Variants in CAST observed in about 807,000 individuals in gnomAD.
The protein encoded by CAST is calpastatin.
Under a neutral mutation model 119.6 loss-of-function variants are expected in CAST, and 76 were observed. The ratio of observed to expected loss-of-function variants is 0.64; its 90% CI spans 0.53 to 0.77. CAST has a LOEUF of 0.77. CAST is among the 30% of genes least tolerant of loss of function. The probability of loss-of-function intolerance (pLI) is 0.00; values close to 1 mark genes in which losing one functional copy is unlikely to be tolerated. For synonymous variants in CAST, 319 were observed against 331.6 expected, an observed-to-expected ratio of 0.96 and a Z score of 0.41; for missense variants, 953 against 946.5, an observed-to-expected ratio of 1.01 and a Z score of -0.09.
the CAST span, among the ~76,000 whole-genome samples, chr5:96,413,249 A>T: frequency 6.6e-6 from 1 of 152,210 alleles, no homozygotes; most frequent in Non-Finnish European, 1.5e-5. Context: ...TCATCAGGAC[A>T]ATGTAGGTGC....
At chr5:96,365,439 T>A in the CAST span, among the ~76,000 whole-genome samples, 1 of 152,164 alleles carries the variant, frequency 6.6e-6, no homozygotes, top group Non-Finnish European at 1.5e-5. Context: ...AAGTCTCCCA[T>A]TATTATTGTG....
the CAST span, among the ~76,000 whole-genome samples, chr5:96,380,336 A>G: frequency 2.0e-5 from 3 of 152,220 alleles, no homozygotes; most frequent in African/African-American, 7.2e-5. Flanking sequence ...AAAATTAAAT[A>G]TAGACCCTTG....
At chr5:96,082,970 G>A in the CAST span, among the ~76,000 whole-genome samples, 1 of 152,144 alleles carries the variant, frequency 6.6e-6, no homozygotes, top group Non-Finnish European at 1.5e-5. Flanking sequence ...GAAATATTTA[G>A]AAACAATTGG....
chr5:95,961,682 G>A, the CAST span: 1 of 1,605,960 alleles, frequency 6.2e-7, no homozygotes, highest in East Asian at 2.3e-5. Flanking sequence ...AGCCCATAGC[G>A]CTGCTCCTCC....
At chr5:96,452,547 C>T in the CAST span, among the ~76,000 whole-genome samples, 1 of 145,326 alleles carries the variant, frequency 6.9e-6, no homozygotes, top group South Asian at 2.2e-4. Context: ...ATGTAGATGA[C>T]GTGTTGATGG....
intron 1 of CAST, among the ~76,000 whole-genome samples, chr5:96,619,134 A>G (rs906731733): frequency 1.3e-5 from 2 of 152,108 alleles, no homozygotes; most frequent in African/African-American, 4.8e-5. Flanking sequence ...AGAGGATTGT[A>G]AATGCACCAA....
At chr5:96,399,105 C>A in the CAST span, 1 of 1,135,282 alleles carries the variant, frequency 8.8e-7, no homozygotes. Context: ...TGCATATCTG[C>A]ATGCATCAAT....
chr5:96,496,437 G>A, the CAST span, among the ~76,000 whole-genome samples: 1 of 152,182 alleles, frequency 6.6e-6, no homozygotes, highest in Admixed American at 6.5e-5. Flanking sequence ...TCAAGATAGA[G>A]GTGGAATTTC....
the CAST span, among the ~76,000 whole-genome samples, chr5:96,474,163 G>C: frequency 6.6e-6 from 1 of 152,170 alleles, no homozygotes; most frequent in Non-Finnish European, 1.5e-5. Context: ...CAGAAAATGA[G>C]AGTGTTAAAA....
chr5:96,635,749 T>C (rs1451022897), intron 1 of CAST, among the ~76,000 whole-genome samples: 1 of 152,230 alleles, frequency 6.6e-6, no homozygotes, highest in Non-Finnish European at 1.5e-5. Flanking sequence ...TGCCATTCAG[T>C]TGCCTTTTTG....
chr5:95,982,649 A>G, the CAST span, among the ~76,000 whole-genome samples: 1 of 152,204 alleles, frequency 6.6e-6, no homozygotes, highest in Non-Finnish European at 1.5e-5. Flanking sequence ...ATTGTCAATT[A>G]ATAGTATCAT....
rs1234905143 is a variant in CAST at position 96,534,824 on chromosome 5, AGAAAGAAG to A, written c.60+4956_60+4963del. ...AAGAAGAAAGAAAGAAAGAAAGAAA[AGAAAGAAG>A]GAAAGAAGGAAGGAAGGAGGGAGGG... On this transcript the variant is annotated intron_variant, in intron 1 of 11. Coordinates refer to the CAST transcript ENST00000505143. Among the ~76,000 whole-genome samples, 4 of 146,088 alleles carry A rather than the reference AGAAAGAAG, an allele frequency of 2.7e-5. No homozygotes were observed. In the South Asian group the frequency reaches 6.8e-4, roughly 25 times the overall value.
the CAST span, among the ~76,000 whole-genome samples, chr5:96,098,540 T>A: frequency 6.6e-6 from 1 of 152,230 alleles, no homozygotes; most frequent in Non-Finnish European, 1.5e-5. Flanking sequence ...CTTCTGCATA[T>A]GGCTAGTCAG....
At chr5:96,300,908 C>T in the CAST span, among the ~76,000 whole-genome samples, 22 of 136,094 alleles carry the variant, frequency 1.6e-4, no homozygotes, top group South Asian at 9.2e-4. Context: ...GGAAAGTTCA[C>T]GTTAATATAG....
chr5:96,256,372 T>TATATATATACTATATAAATATACAGTA, the CAST span, among the ~76,000 whole-genome samples: 3 of 36,508 alleles, frequency 8.2e-5, no homozygotes, highest in African/African-American at 7.9e-4. Flanking sequence ...TATACAGTAA[T>TATATATATACTATATAAATATACAGTA]ATATATATAT....
chr5:96,122,568 TA>T, the CAST span, among the ~76,000 whole-genome samples: 1 of 152,300 alleles, frequency 6.6e-6, no homozygotes, highest in Non-Finnish European at 1.5e-5. Context: ...TGAGACCTGC[TA>T]TTCAAATCAT....
the CAST span, among the ~76,000 whole-genome samples, chr5:96,096,225 A>G: frequency 0.028 from 4,233 of 152,284 alleles, 180 homozygotes; most frequent in African/African-American, 0.096. Context: ...AGGACAAGAA[A>G]CTTTGGATCT....
chr5:96,109,100 A>T, the CAST span, among the ~76,000 whole-genome samples: 3 of 152,204 alleles, frequency 2.0e-5, no homozygotes, highest in African/African-American at 4.8e-5. Context: ...CGGTGCGTGC[A>T]CCCACTGACC....
At chr5:96,264,732 A>C in the CAST span, among the ~76,000 whole-genome samples, 1 of 152,232 alleles carries the variant, frequency 6.6e-6, no homozygotes, top group African/African-American at 2.4e-5. Flanking sequence ...AATAGCATAC[A>C]CATGACATTA....
Sources: allele counts gnomAD v4.1 joint callset (sites outside exome capture counted in the v4.1 genomes callset), GRCh38; gene constraint gnomAD v4.1.1; transcripts MANE v1.5; gene names NCBI Gene and HGNC (gene_info 2026-07-23, HGNC 2026-07-21).